Variants in GOSR2 observed in about 807,000 individuals in gnomAD.
GOSR2 encodes the protein golgi SNAP receptor complex member 2.
A neutral mutation model predicts 27.9 loss-of-function variants in GOSR2; 20 were observed. That is an observed-to-expected ratio of 0.72 (90% CI 0.50 to 1.04). The LOEUF is 1.04. GOSR2 is among the 50% of genes least tolerant of loss of function. GOSR2 has a pLI of 0.00. For synonymous variants in GOSR2, 91 were observed against 98.8 expected, an observed-to-expected ratio of 0.92 and a Z score of 0.47; for missense variants, 261 against 270.5, an observed-to-expected ratio of 0.97 and a Z score of 0.25.
chr17:46,973,068 GA>G (rs2091409047), intron 6 of GOSR2: 1 of 152,332 alleles, frequency 6.6e-6, no homozygotes. Flanking sequence ...GCACTCAAGG[GA>G]TGCTACTCGG....
chr17:46,934,535 A>G (rs1047224939), intron 4 of GOSR2, among the ~76,000 whole-genome samples: 2 of 152,150 alleles, frequency 1.3e-5, no homozygotes, highest in African/African-American at 4.8e-5. Flanking sequence ...AAAAAAGAAA[A>G]TGCAGAAGCA....
Position 46,940,112 on chromosome 17 carries a change from C to T in GOSR2, c.*1352C>T. On this transcript the variant is annotated 3_prime_UTR_variant, in exon 6 of 6. Coordinates refer to ENST00000640051, the MANE Select transcript of GOSR2 (RefSeq NM_004287.5). ...TATTTCCCTTCCTTTCTGTGTTCCT[C>T]TTCACCTCTCTTGTTCCCCTCCCCG... is the stretch of plus-strand genomic sequence containing the variant. The T allele has an allele frequency of 8.4e-7, 1 of 1,192,602 alleles. No individual in the cohort carries two copies. Among genetic ancestry groups the T allele is most frequent in the South Asian group, 2.5e-5 (1 of 40,408 alleles). The allele number at this position is 1,192,602 out of a possible 1,614,324, so 73.9% of individuals were successfully genotyped here.
rs199504020 is a variant in GOSR2, at chr17:46,932,165, G to C, written c.302G>C (p.Arg101Pro). Residue 101 changes from arginine to proline, a missense_variant, in exon 4 of 6, where the codon CGA (arginine) becomes CCA (proline). By Grantham distance (103) the Arg-to-Pro change is moderately radical. Transcript: ENST00000640051. ...RHAREQQERQ[R>P]EELLSRTFTT... ...GCAAGGGAGCAGCAGGAGAGACAGC[G>C]AGAAGAGCTTCTGTCTCGAACCTTC... is the stretch of plus-strand genomic sequence containing the variant. 5.0e-6 allele frequency: 8 copies of C among 1,614,020 alleles called. No homozygotes were observed. Among genetic ancestry groups the C allele is most frequent in the Non-Finnish European group, 5.9e-6 (7 of 1,180,016 alleles).
At chr17:46,956,797 A>G (rs1442150748) in intron 6 of GOSR2, among the ~76,000 whole-genome samples, 5 of 152,196 alleles carry the variant, frequency 3.3e-5, no homozygotes, top group Non-Finnish European at 7.3e-5. Context: ...TGCTCTCGTC[A>G]GCATGCTGCC....
chr17:46,975,561 G>A (rs1237379649), downstream of GOSR2: 1 of 152,246 alleles, frequency 6.6e-6, no homozygotes, highest in Non-Finnish European at 1.5e-5. Flanking sequence ...CTCCTGGGGA[G>A]AACTAAGACG....
At chr17:46,975,039 A>G (rs2091435322) in intron 6 of GOSR2, among the ~76,000 whole-genome samples, 1 of 148,200 alleles carries the variant, frequency 6.7e-6, no homozygotes, top group Non-Finnish European at 1.5e-5. Context: ...ATTTCAGAGA[A>G]CCAAATGTAC....
intron 4 of GOSR2, 23 bp from the exon 5 acceptor site, chr17:46,935,006 A>C: frequency 6.2e-7 from 1 of 1,609,626 alleles, no homozygotes; most frequent in Non-Finnish European, 8.5e-7. Context: ...AAAGTTAATC[A>C]AGTGCCTGTG....
chr17:46,960,767 T>G (rs986862056), intron 6 of GOSR2, among the ~76,000 whole-genome samples: 37 of 152,208 alleles, frequency 2.4e-4, no homozygotes, highest in African/African-American at 8.7e-4. Context: ...GGCAGCTTAT[T>G]GGGTGATTCC....
chr17:46,938,597 A>T lies in GOSR2; in HGVS notation c.478-2A>T. On this transcript the variant is annotated splice_acceptor_variant, in intron 5 of 5. Coordinates refer to ENST00000640051, the MANE Select transcript of GOSR2 (RefSeq NM_004287.5). LOFTEE classifies it high-confidence loss of function. ...TTTTTTTTCTGTTCTCTTCTGCCCC[A>T]GGGGACTCAGAAGAAGATCCTTGAC... The T allele has an allele frequency of 6.2e-7, 1 of 1,612,878 alleles. No individual in the cohort carries two copies. The highest frequency in any genetic ancestry group is 8.5e-7 in the Non-Finnish European group (1 of 1,179,010).
At position 46,938,727 on chromosome 17, in the gene GOSR2, G is replaced by A; in HGVS notation, c.606G>A (p.Val202=). 1 of 1,613,934 alleles carries A rather than the reference G, an allele frequency of 6.2e-7. No homozygotes were observed. Among genetic ancestry groups the A allele is most frequent in the Non-Finnish European group, 8.5e-7 (1 of 1,179,896 alleles). Residue 202 remains valine (V), a synonymous_variant, in exon 6 of 6, where the codon GTG becomes GTA. Coordinates refer to ENST00000640051, the MANE Select transcript of GOSR2 (RefSeq NM_004287.5). ...FMIGGMLLTC[V]VMFLVVQYLT ...TAGGTGGGATGCTGCTGACCTGTGT[G>A]GTCATGTTCCTCGTGGTGCAGTACC... is the stretch of plus-strand genomic sequence containing the variant.
chr17:46,930,449 G>A (rs1354776023), intron 2 of GOSR2: 1 of 152,226 alleles, frequency 6.6e-6, no homozygotes, highest in African/African-American at 2.4e-5. Flanking sequence ...CTTATCGAAA[G>A]GGATAGGGAA....
At chr17:46,961,491 C>A (rs1008516521) in intron 6 of GOSR2, among the ~76,000 whole-genome samples, 1 of 152,042 alleles carries the variant, frequency 6.6e-6, no homozygotes, top group African/African-American at 2.4e-5. Flanking sequence ...GCTATGATCA[C>A]GCCATTGCAC....
chr17:46,932,245 T>C (rs2087502655), intron 4 of GOSR2, 46 bp downstream of exon 4: 2 of 1,611,026 alleles, frequency 1.2e-6, no homozygotes, highest in Non-Finnish European at 1.7e-6. Context: ...TGACAGATCG[T>C]GGGGGCTGGA....
At position 46,923,179 on chromosome 17, in the gene GOSR2, G is replaced by GC. The variant is rs1568155153; in HGVS notation, c.-13dup. On this transcript the variant is annotated 5_prime_UTR_variant, in exon 1 of 6. Transcript: ENST00000640051. ...GAAGCCAGAGCCGGAGCCGTGGCCT[G>GC]CGGGGCCGGCGACATGGATCCCCTG... The GC allele has an allele frequency of 2.6e-6, 4 of 1,530,674 alleles. No individual in the cohort carries two copies. The highest frequency in any genetic ancestry group is 2.0e-5 in the Admixed American group (1 of 50,984). The allele number at this position is 1,530,674 out of a possible 1,614,324, so 94.8% of individuals were successfully genotyped here. A position where few individuals can be genotyped will look rare whatever the true frequency, so the allele number is the denominator to read the frequency against.
chr17:46,948,495 TC>T (rs2090091079), intron 6 of GOSR2: 1 of 152,262 alleles, frequency 6.6e-6, no homozygotes. Context: ...GTGTTCTTCA[TC>T]AGAAGACCTG....
At position 46,935,754 on chromosome 17, in the gene GOSR2, C is replaced by T. The variant is rs925517530; in HGVS notation, c.477+585C>T. On this transcript the variant is annotated intron_variant, in intron 5 of 5. Coordinates refer to ENST00000640051, the MANE Select transcript of GOSR2 (RefSeq NM_004287.5). ...CTTAGGTATTCCTAGAAGCCCTGAC[C>T]AGTTGGCACTGCTGAGACTCCAGCC... is the stretch of plus-strand genomic sequence containing the variant. 22 of 987,256 alleles carry T rather than the reference C, an allele frequency of 2.2e-5. No homozygotes were observed. The South Asian group carries it at 8.0e-4, about 36-fold the overall frequency. The allele number at this position is 987,256 out of a possible 1,614,324, so 61.2% of individuals were successfully genotyped here. A position where few individuals can be genotyped will look rare whatever the true frequency, so the allele number is the denominator to read the frequency against.
downstream of GOSR2, among the ~76,000 whole-genome samples, chr17:46,945,518 C>G (rs1005985173): frequency 1.3e-5 from 2 of 152,184 alleles, 1 homozygote; most frequent in African/African-American, 4.8e-5. Context: ...CTTAATCACT[C>G]CAGCCTCAGT....
chr17:46,940,237 G>C lies in GOSR2; in HGVS notation c.*1477G>C. ...CATAGATTAACTGAGTTTCCTGGAT[G>C]CTAATTTCACACTTTCGGTTGGAGG... On this transcript the variant is annotated 3_prime_UTR_variant, in exon 6 of 6. Coordinates refer to ENST00000640051, the MANE Select transcript of GOSR2 (RefSeq NM_004287.5). The C allele has an allele frequency of 7.0e-7, 1 of 1,421,686 alleles. No individual in the cohort carries two copies. The highest frequency in any genetic ancestry group is 1.6e-5 in the South Asian group (1 of 63,720). 88.1% of individuals were successfully genotyped at this position (1,421,686 alleles called of 1,614,324 possible).
At chr17:46,959,010 A>G (rs1362101823) in intron 6 of GOSR2, among the ~76,000 whole-genome samples, 1 of 152,266 alleles carries the variant, frequency 6.6e-6, no homozygotes, top group Non-Finnish European at 1.5e-5. Flanking sequence ...CTGTGCAGCC[A>G]TGAAGAGTGG....
Sources: allele counts gnomAD v4.1 joint callset (sites outside exome capture counted in the v4.1 genomes callset), GRCh38; gene constraint gnomAD v4.1.1; transcripts MANE v1.5; gene names NCBI Gene and HGNC (gene_info 2026-07-23, HGNC 2026-07-21).